Variants in B3GALT1 observed in about 807,000 individuals in gnomAD.
B3GALT1 encodes beta-1,3-galactosyltransferase 1.
Under a neutral mutation model 23.2 loss-of-function variants are expected in B3GALT1, and 10 were observed. The observed-to-expected ratio is 0.43, with a 90% CI of 0.27 to 0.73. The LOEUF (loss-of-function observed/expected upper bound fraction) is 0.73, where lower values mean the gene tolerates loss of function less well. Among genes scored for constraint, B3GALT1 ranks in the 30% least tolerant of loss-of-function variants. B3GALT1 has a pLI of 0.21. For missense variants in B3GALT1, 299 were observed against 405.4 expected, an observed-to-expected ratio of 0.74 and a Z score of 2.25; for synonymous variants, 156 against 141.5, an observed-to-expected ratio of 1.10 and a Z score of -0.73.
At chr2:167,833,027 C>G (rs836701) in intron 4 of B3GALT1, among the ~76,000 whole-genome samples, 52,356 of 152,100 alleles carry the variant, frequency 0.34, 9,637 homozygotes, top group East Asian at 0.61. Context: ...GCTCTGCAGA[C>G]TTGATGGAGA....
chr2:167,630,480 TATTA>T (rs1685420532), intron 2 of B3GALT1, among the ~76,000 whole-genome samples: 1 of 151,830 alleles, frequency 6.6e-6, no homozygotes, highest in African/African-American at 2.4e-5. Context: ...CACTGGGTAT[TATTA>T]ATTATTGTTA....
chr2:167,332,153 T>G (rs1696983033), intron 1 of B3GALT1, among the ~76,000 whole-genome samples: 1 of 152,066 alleles, frequency 6.6e-6, no homozygotes, highest in Non-Finnish European at 1.5e-5. Flanking sequence ...TACACAATAG[T>G]CAAGGGGACC....
At chr2:167,737,218 A>G (rs1307468482) in intron 3 of B3GALT1, among the ~76,000 whole-genome samples, 2 of 152,220 alleles carry the variant, frequency 1.3e-5, no homozygotes, top group Non-Finnish European at 2.9e-5. Flanking sequence ...CTTTGCTTGC[A>G]GTTAAGTTTT....
At chr2:167,847,603 G>C (rs909681863) in intron 4 of B3GALT1, among the ~76,000 whole-genome samples, 2 of 152,110 alleles carry the variant, frequency 1.3e-5, no homozygotes, top group Non-Finnish European at 2.9e-5. Flanking sequence ...TAAGAGGAAA[G>C]TTCATAGCCC....
chr2:167,479,656 T>C (rs1358497162), intron 1 of B3GALT1, among the ~76,000 whole-genome samples: 1 of 152,162 alleles, frequency 6.6e-6, no homozygotes, highest in Non-Finnish European at 1.5e-5. Flanking sequence ...GGCTACCTCC[T>C]ATCTCAAAGT....
chr2:167,804,301 T>G, intron 3 of B3GALT1, among the ~76,000 whole-genome samples: 1 of 149,108 alleles, frequency 6.7e-6, no homozygotes, highest in Non-Finnish European at 1.5e-5. Context: ...CAAAATTTCT[T>G]TTTTGTTTTG....
chr2:167,683,068 CAT>C (rs1426964666), intron 3 of B3GALT1, among the ~76,000 whole-genome samples: 1 of 152,116 alleles, frequency 6.6e-6, no homozygotes, highest in African/African-American at 2.4e-5. Flanking sequence ...GACTCATAAA[CAT>C]GTAGATTTTT....
At chr2:167,579,445 TTTC>T (rs1308616715) in intron 2 of B3GALT1, among the ~76,000 whole-genome samples, 3 of 147,800 alleles carry the variant, frequency 2.0e-5, no homozygotes, top group African/African-American at 5.1e-5. Context: ...TTTTTTTTTT[TTTC>T]CATTTAAATT....
At chr2:167,671,974 TAA>T in intron 3 of B3GALT1, among the ~76,000 whole-genome samples, 1 of 152,202 alleles carries the variant, frequency 6.6e-6, no homozygotes, top group South Asian at 2.1e-4. Flanking sequence ...CAAAGGATCA[TAA>T]AAGACTTCTG....
intron 2 of B3GALT1, among the ~76,000 whole-genome samples, chr2:167,611,650 G>A (rs1685068607): frequency 6.6e-6 from 1 of 151,932 alleles, no homozygotes; most frequent in Admixed American, 6.6e-5. Flanking sequence ...AGTAAAAGGG[G>A]TATATCTGTG....
intron 3 of B3GALT1, among the ~76,000 whole-genome samples, chr2:167,797,467 G>C (rs1688562589): frequency 6.6e-6 from 1 of 152,152 alleles, no homozygotes; most frequent in African/African-American, 2.4e-5. Context: ...ATAATAGAAT[G>C]ATTTATATTC....
intron 3 of B3GALT1, among the ~76,000 whole-genome samples, chr2:167,760,178 C>T (rs1246119035): frequency 6.6e-6 from 1 of 152,082 alleles, no homozygotes; most frequent in Non-Finnish European, 1.5e-5. Context: ...AACTATTAGC[C>T]AGAAAGATTC....
chr2:167,748,635 C>T (rs999808088), intron 3 of B3GALT1, among the ~76,000 whole-genome samples: 5 of 152,020 alleles, frequency 3.3e-5, no homozygotes, highest in African/African-American at 1.2e-4. Flanking sequence ...GAATGTCAGG[C>T]AAAACTTAAT....
chr2:167,576,725 A>G (rs994916451), intron 2 of B3GALT1, among the ~76,000 whole-genome samples: 5 of 151,532 alleles, frequency 3.3e-5, no homozygotes, highest in Non-Finnish European at 4.4e-5. Context: ...GTTTATTTCT[A>G]TTCTGTCTTT....
At chr2:167,628,950 T>G (rs755738255) in intron 2 of B3GALT1, among the ~76,000 whole-genome samples, 11 of 151,672 alleles carry the variant, frequency 7.3e-5, no homozygotes, top group Non-Finnish European at 1.0e-4. Flanking sequence ...GCACATGGTA[T>G]AGAAGAAAAT....
chr2:167,857,849 G>C (rs754944818), intron 4 of B3GALT1, among the ~76,000 whole-genome samples: 2 of 152,010 alleles, frequency 1.3e-5, no homozygotes, highest in African/African-American at 2.4e-5. Context: ...TGATTCTAGC[G>C]CTGAAAATTG....
intron 3 of B3GALT1, among the ~76,000 whole-genome samples, chr2:167,736,365 G>A (rs1055914013): frequency 1.3e-5 from 2 of 152,156 alleles, no homozygotes; most frequent in African/African-American, 4.8e-5. Context: ...CAGCATGTCT[G>A]GGAAGTATTC....
chr2:167,350,932 A>G (rs953981318), intron 1 of B3GALT1, among the ~76,000 whole-genome samples: 1 of 152,146 alleles, frequency 6.6e-6, no homozygotes, highest in Non-Finnish European at 1.5e-5. Flanking sequence ...CTGCATGCAT[A>G]TGTTATTCCA....
chr2:167,675,184 T>C (rs1004009447), intron 3 of B3GALT1, among the ~76,000 whole-genome samples: 1 of 152,218 alleles, frequency 6.6e-6, no homozygotes, highest in Non-Finnish European at 1.5e-5. Context: ...AAATGGCCTC[T>C]ACTTGGAAAC....
Sources: allele counts gnomAD v4.1 joint callset (sites outside exome capture counted in the v4.1 genomes callset), GRCh38; gene constraint gnomAD v4.1.1; transcripts MANE v1.5; gene names NCBI Gene and HGNC (gene_info 2026-07-23, HGNC 2026-07-21).